The following P2RX7 variants were observed in gnomAD, a reference collection of about 807,000 sequenced individuals.
P2RX7 encodes the protein P2X purinoceptor 7.
Under a neutral mutation model 71.6 loss-of-function variants are expected in P2RX7, and 62 were observed. The ratio of observed to expected loss-of-function variants is 0.87; its 90% CI spans 0.71 to 1.07. The LOEUF (loss-of-function observed/expected upper bound fraction) is 1.07, where lower values mean the gene tolerates loss of function less well. P2RX7 is among the 50% of genes least tolerant of loss of function. P2RX7 has a pLI of 0.00. For synonymous variants in P2RX7, 299 were observed against 283.3 expected (o/e 1.06, Z -0.56); for missense variants, 686 against 748.5 (o/e 0.92, Z 0.97).
intron 7 of P2RX7, among the ~76,000 whole-genome samples, chr12:121,166,887 CAAAAAAA>C (rs59533773): frequency 9.3e-6 from 1 of 107,660 alleles, no homozygotes; most frequent in East Asian, 2.6e-4. Context: ...ACTAAAAATA[CAAAAAAA>C]AAAAAAAAAT....
At chr12:121,148,910 ATGTT>A in intron 1 of P2RX7, 1 of 358,684 alleles carries the variant, frequency 2.8e-6, no homozygotes, top group South Asian at 2.3e-5. Flanking sequence ...GTCCATGAAG[ATGTT>A]TGTTGGCCTG....
chr12:121,146,287 C>CTT lies in P2RX7; in HGVS notation c.126-8470_126-8469dup, dbSNP rs35415599. 2.5e-3 allele frequency among the ~76,000 whole-genome samples: 201 copies of CTT among 80,494 alleles called. 3 individuals are homozygous for CTT. Among genetic ancestry groups the CTT allele is most frequent in the Non-Finnish European group, 3.1e-3 (144 of 45,770 alleles). 52.8% of individuals were successfully genotyped at this position (80,494 alleles called of 152,430 possible). A position where few individuals can be genotyped will look rare whatever the true frequency, so the allele number is the denominator to read the frequency against. On this transcript the variant is annotated intron_variant, in intron 1 of 12. Transcript: ENST00000328963. ...CCATCCTCTTATTTGTCAAGCCTCT[C>CTT]TTTTTTTTTTTTTTTTTTTTTTTTT...
At chr12:121,160,570 G>A (rs1007327980) in intron 3 of P2RX7, among the ~76,000 whole-genome samples, 7 of 152,122 alleles carry the variant, frequency 4.6e-5, no homozygotes, top group African/African-American at 1.7e-4. Flanking sequence ...GCCTATTCTG[G>A]ACATTTCCTA....
Position 121,153,747 on chromosome 12 carries a change from C to T in P2RX7, c.126-1038C>T, listed in dbSNP as rs569815406. Among the ~76,000 whole-genome samples, 37 of 152,188 alleles carry T rather than the reference C, an allele frequency of 2.4e-4. 1 individual carries two copies. The highest frequency in any genetic ancestry group is 8.9e-4 in the African/African-American group (37 of 41,544). On this transcript the variant is annotated intron_variant, in intron 1 of 12. Coordinates refer to ENST00000328963, the MANE Select transcript of P2RX7 (RefSeq NM_002562.6). ...GCATGCCGGTAATCCTGGTAACTAT[C>T]TCCTACTGTTGTGACGATTAAAGGA...
chr12:121,160,779 G>T, intron 3 of P2RX7, 123 bp from the exon 4 acceptor site: 1 of 819,796 alleles, frequency 1.2e-6, no homozygotes, highest in Non-Finnish European at 2.1e-6. Flanking sequence ...CCACTTTTTT[G>T]GCGATTCTGA....
In P2RX7 at chr12:121,163,350, A is replaced by ACACACG. The variant is rs1555226361; in HGVS notation, c.533+835_533+836insGCACAC. Among the ~76,000 whole-genome samples the ACACACG allele has an allele frequency of 5.4e-3, 687 of 127,324 alleles. 3 individuals carry two copies. The highest frequency in any genetic ancestry group is 0.018 in the African/African-American group (619 of 33,472). 83.5% of individuals were successfully genotyped at this position (127,324 alleles called of 152,430 possible). A position where few individuals can be genotyped will look rare whatever the true frequency, so the allele number is the denominator to read the frequency against. On this transcript the variant is annotated intron_variant, in intron 5 of 12. Coordinates refer to ENST00000328963, the MANE Select transcript of P2RX7 (RefSeq NM_002562.6). ...CTTACACACACACACACACACACAC[A>ACACACG]CACACACGCACACACACACACACAC...
At chr12:121,136,375 G>A (rs12372186) in intron 1 of P2RX7, among the ~76,000 whole-genome samples, 1 of 151,910 alleles carries the variant, frequency 6.6e-6, no homozygotes, top group Admixed American at 6.6e-5. Context: ...CTGGAGTGCA[G>A]TGTCATTATC....
intron 1 of P2RX7, among the ~76,000 whole-genome samples, chr12:121,137,632 A>G (rs548404072): frequency 6.6e-6 from 1 of 152,378 alleles, no homozygotes; most frequent in African/African-American, 2.4e-5. Flanking sequence ...GGAGTCTCAC[A>G]GTACACAGTT....
intron 1 of P2RX7, among the ~76,000 whole-genome samples, chr12:121,151,234 T>TA (rs1877328250): frequency 6.6e-6 from 1 of 151,914 alleles, no homozygotes; most frequent in South Asian, 2.1e-4. Context: ...ACTCCATCTC[T>TA]AAATGAAATC....
chr12:121,146,545 G>A (rs1876249852), intron 1 of P2RX7, among the ~76,000 whole-genome samples: 2 of 152,174 alleles, frequency 1.3e-5, no homozygotes, highest in South Asian at 2.1e-4. Flanking sequence ...CCCTGCCTCA[G>A]CTTCCCAAAG....
intron 5 of P2RX7, among the ~76,000 whole-genome samples, chr12:121,164,833 G>A (rs1368530803): frequency 2.0e-5 from 3 of 151,700 alleles, no homozygotes; most frequent in East Asian, 3.9e-4. Context: ...AATACTTTAC[G>A]AAAAAAAAGA....
At chr12:121,147,947 T>G (rs1391313164) in intron 1 of P2RX7, among the ~76,000 whole-genome samples, 3 of 152,082 alleles carry the variant, frequency 2.0e-5, no homozygotes, top group African/African-American at 4.8e-5. Context: ...ATTTAAACAC[T>G]AAGATACTCT....
chr12:121,181,163 T>C (rs1334597086), intron 12 of P2RX7, among the ~76,000 whole-genome samples: 1 of 152,220 alleles, frequency 6.6e-6, no homozygotes, highest in Non-Finnish European at 1.5e-5. Context: ...TCACGTAGTA[T>C]GTAAGCGGTA....
chr12:121,165,925 G>T, intron 6 of P2RX7, 133 bp from the exon 7 acceptor site: 1 of 881,712 alleles, frequency 1.1e-6, no homozygotes. Flanking sequence ...CCACTGCCCA[G>T]GGGTCCCAGG....
chr12:121,166,447 G>A (rs208310), intron 7 of P2RX7, among the ~76,000 whole-genome samples: 1 of 152,000 alleles, frequency 6.6e-6, no homozygotes, highest in Non-Finnish European at 1.5e-5. Context: ...TGGCTTCAAA[G>A]AACACATATT....
chr12:121,146,570 C>T (rs1282108463), intron 1 of P2RX7, among the ~76,000 whole-genome samples: 3 of 152,072 alleles, frequency 2.0e-5, no homozygotes, highest in Non-Finnish European at 4.4e-5. Context: ...GGGATTACAG[C>T]GTGAGCCACT....
At chr12:121,142,421 C>T (rs753561979) in intron 1 of P2RX7, among the ~76,000 whole-genome samples, 4 of 152,204 alleles carry the variant, frequency 2.6e-5, no homozygotes, top group Admixed American at 6.5e-5. Flanking sequence ...TGACACAACG[C>T]ATTGTTCTCA....
At chr12:121,170,666 G>A (rs1373837414) in intron 8 of P2RX7, among the ~76,000 whole-genome samples, 1 of 152,118 alleles carries the variant, frequency 6.6e-6, no homozygotes, top group East Asian at 1.9e-4. Flanking sequence ...TACAGCTACT[G>A]GGAGGCTGAG....
chr12:121,150,445 G>T (rs1877149118), intron 1 of P2RX7, among the ~76,000 whole-genome samples: 1 of 152,228 alleles, frequency 6.6e-6, no homozygotes, highest in Non-Finnish European at 1.5e-5. Flanking sequence ...GCATGAGAAA[G>T]CGCTGCATGC....
Sources: allele counts gnomAD v4.1 joint callset (sites outside exome capture counted in the v4.1 genomes callset), GRCh38; gene constraint gnomAD v4.1.1; transcripts MANE v1.5; gene names NCBI Gene and HGNC (gene_info 2026-07-23, HGNC 2026-07-21).